NBEA: variants seen among roughly 807,000 people sequenced by gnomAD.
The protein encoded by NBEA is neurobeachin, also known as lysosomal-trafficking regulator 2.
In NBEA, 44 loss-of-function variants were observed where a neutral mutation model predicts 343.4. That is an observed-to-expected ratio of 0.13 (90% CI 0.10 to 0.16). The LOEUF is 0.16. Among genes scored for constraint, NBEA ranks in the 10% least tolerant of loss-of-function variants. The pLI is 1.00. For missense variants in NBEA, 2,555 were observed against 3,631.3 expected (o/e 0.70, Z 7.62); for synonymous variants, 1,175 against 1,238.7 (o/e 0.95, Z 1.08).
At chr13:35,605,177 G>GA in intron 47 of NBEA, among the ~76,000 whole-genome samples, 1 of 152,162 alleles carries the variant, frequency 6.6e-6, no homozygotes, top group Non-Finnish European at 1.5e-5. Context: ...CATTTATCCA[G>GA]AAAAATCATT....
At chr13:35,030,206 A>G (rs2062156731) in intron 1 of NBEA, among the ~76,000 whole-genome samples, 1 of 151,440 alleles carries the variant, frequency 6.6e-6, no homozygotes, top group African/African-American at 2.4e-5. Context: ...CGTGTTTTTA[A>G]AGTATTTTTA....
chr13:35,238,307 T>C (rs1593880063), intron 34 of NBEA, among the ~76,000 whole-genome samples: 1 of 152,148 alleles, frequency 6.6e-6, no homozygotes, highest in Admixed American at 6.5e-5. Flanking sequence ...TAAAATATAG[T>C]TGATCTTCAG....
intron 1 of NBEA, among the ~76,000 whole-genome samples, chr13:34,970,412 T>C (rs1419126315): frequency 6.6e-6 from 1 of 152,192 alleles, no homozygotes; most frequent in Non-Finnish European, 1.5e-5. Flanking sequence ...ATTTTTGCTT[T>C]TGTTGCAGTT....
At position 35,397,003 on chromosome 13, in the gene NBEA, T is replaced by C. The variant is rs114582047; in HGVS notation, c.6180-35266T>C. 2.5e-3 allele frequency among the ~76,000 whole-genome samples: 385 copies of C among 152,312 alleles called. 2 individuals are homozygous for C. Among genetic ancestry groups the C allele is most frequent in the African/African-American group, 8.9e-3 (371 of 41,572 alleles). ...GTCTTCATCCTGGACTTCTACACTA[T>C]CTTGCTAACCTGCCTTTCAGCTTCC... On this transcript the variant is annotated intron_variant, in intron 38 of 58. Transcript: ENST00000379939.
chr13:35,328,651 A>G (rs894554317), intron 36 of NBEA, among the ~76,000 whole-genome samples: 9 of 151,992 alleles, frequency 5.9e-5, no homozygotes, highest in Non-Finnish European at 1.0e-4. Context: ...AAAAATTAAC[A>G]TATAAATATA....
chr13:35,089,952 C>G (rs866361787), intron 10 of NBEA, among the ~76,000 whole-genome samples: 25 of 149,086 alleles, frequency 1.7e-4, no homozygotes, highest in Non-Finnish European at 3.3e-4. Context: ...GGAGATATAC[C>G]TAATGCTAGA....
chr13:35,527,599 A>G (rs957896482), intron 41 of NBEA, among the ~76,000 whole-genome samples: 1 of 152,168 alleles, frequency 6.6e-6, no homozygotes, highest in African/African-American at 2.4e-5. Flanking sequence ...AAGTACACAC[A>G]CACACCCGGC....
At chr13:35,172,554 C>T (rs1245346271) in intron 26 of NBEA, among the ~76,000 whole-genome samples, 2 of 151,810 alleles carry the variant, frequency 1.3e-5, no homozygotes, top group African/African-American at 4.8e-5. Flanking sequence ...GACTTTACTC[C>T]CTATTTCATT....
intron 19 of NBEA, 28 bp downstream of exon 19, chr13:35,155,883 T>C (rs767413839): frequency 6.3e-7 from 1 of 1,580,950 alleles, no homozygotes; most frequent in Non-Finnish European, 8.7e-7. Context: ...CTTTACTGTA[T>C]TGTGGTAGGC....
intron 41 of NBEA, chr13:35,474,166 T>C (rs1000300376): frequency 2.6e-5 from 4 of 152,712 alleles, no homozygotes; most frequent in African/African-American, 9.6e-5. Context: ...TCATTACATC[T>C]TGTGATAGGA....
intron 1 of NBEA, among the ~76,000 whole-genome samples, chr13:35,037,330 T>C (rs1478504052): frequency 6.6e-6 from 1 of 152,202 alleles, no homozygotes; most frequent in Non-Finnish European, 1.5e-5. Flanking sequence ...TTGAGTTTCC[T>C]CAACACAGCT....
At position 35,159,550 on chromosome 13, in the gene NBEA, G is replaced by T. The variant is rs772409977; in HGVS notation, c.3379G>T (p.Gly1127Cys). 1.9e-6 allele frequency: 3 copies of T among 1,612,440 alleles called. No homozygotes were observed. In the East Asian group the frequency reaches 6.7e-5, roughly 36 times the overall value. Reference protein sequence around the residue: ...IIKKNEEKDNGPLITLADEKE... With the variant: ...IIKKNEEKDNCPLITLADEKE... The stretch of plus-strand genomic sequence containing the variant: ...TAAAAAAAATGAAGAAAAGGATAAT[G>T]GTCCATTGATAACATTAGCAGATGA... Residue 1127 changes from glycine (G) to cysteine (C), a missense_variant, in exon 22 of 59, where the codon GGT becomes TGT. Gly to Cys is a radical substitution (Grantham distance 159). Around this residue, in one of 21 missense-constraint regions of NBEA, gnomAD observed 367 missense variants for 377.5 expected, o/e 0.97. Coordinates refer to ENST00000379939, the MANE Select transcript of NBEA (RefSeq NM_001385012.1).
chr13:35,616,535 C>T (rs550210833), intron 48 of NBEA, among the ~76,000 whole-genome samples: 5 of 152,208 alleles, frequency 3.3e-5, no homozygotes, highest in Admixed American at 1.3e-4. Flanking sequence ...TTTAAAAAAC[C>T]TGATTCTCAC....
At chr13:35,294,815 G>A (rs896951067) in intron 35 of NBEA, among the ~76,000 whole-genome samples, 1 of 152,040 alleles carries the variant, frequency 6.6e-6, no homozygotes, top group African/African-American at 2.4e-5. Flanking sequence ...TCATGGAAAA[G>A]TTTATTGAGG....
At chr13:35,433,716 T>A (rs949260575) in intron 39 of NBEA, among the ~76,000 whole-genome samples, 1 of 152,050 alleles carries the variant, frequency 6.6e-6, no homozygotes, top group Admixed American at 6.5e-5. Flanking sequence ...AATTATAGTT[T>A]GTCTTCTTTG....
intron 27 of NBEA, among the ~76,000 whole-genome samples, chr13:35,174,345 A>T (rs935274445): frequency 3.3e-5 from 5 of 152,042 alleles, no homozygotes; most frequent in Non-Finnish European, 1.5e-5. Context: ...CTACCACCCC[A>T]GTCAGTCTAG....
chr13:35,224,146 T>G (rs1029636924), intron 33 of NBEA, among the ~76,000 whole-genome samples: 6 of 152,212 alleles, frequency 3.9e-5, no homozygotes, highest in Non-Finnish European at 7.4e-5. Flanking sequence ...TTTGCTGTAC[T>G]TCTCTAGCCA....
At chr13:35,405,428 A>G (rs764593137) in intron 38 of NBEA, among the ~76,000 whole-genome samples, 4 of 152,154 alleles carry the variant, frequency 2.6e-5, no homozygotes, top group Non-Finnish European at 4.4e-5. Context: ...AACACTTTAC[A>G]TATATTCCTT....
At chr13:35,509,687 G>A (rs1324238263) in intron 41 of NBEA, among the ~76,000 whole-genome samples, 2 of 152,118 alleles carry the variant, frequency 1.3e-5, no homozygotes, top group East Asian at 1.9e-4. Flanking sequence ...TTTGCAAATG[G>A]CATTTAAAGA....
Sources: allele counts gnomAD v4.1 joint callset (sites outside exome capture counted in the v4.1 genomes callset), GRCh38; gene constraint gnomAD v4.1.1; regional missense constraint gnomAD v4.1.1; transcripts MANE v1.5; gene names NCBI Gene and HGNC (gene_info 2026-07-23, HGNC 2026-07-21).